Variants in IL1R1 observed in about 807,000 individuals in gnomAD.
IL1R1 encodes the protein interleukin-1 receptor type 1.
A neutral mutation model predicts 50.2 loss-of-function variants in IL1R1; 22 were observed. The ratio of observed to expected loss-of-function variants is 0.44; its 90% confidence interval spans 0.31 to 0.63. IL1R1 has a LOEUF of 0.63. Among genes scored for constraint, IL1R1 ranks in the 20% least tolerant of loss-of-function variants. The probability of loss-of-function intolerance (pLI) is 0.07; values close to 1 mark genes in which losing one functional copy is unlikely to be tolerated. For synonymous variants in IL1R1, 251 were observed against 236.7 expected (o/e 1.06, Z -0.55); for missense variants, 509 against 676.2 (o/e 0.75, Z 2.74).
At chr2:102,171,640 A>G (rs1685682216) in intron 7 of IL1R1, among the ~76,000 whole-genome samples, 161 bp from the exon 8 acceptor site, 3 of 152,194 alleles carry the variant, frequency 2.0e-5, no homozygotes, top group Admixed American at 2.0e-4. Context: ...GAGACGCATA[A>G]GGTTACTAAT....
chr2:102,132,918 C>T (rs1682116373), intron 1 of IL1R1, among the ~76,000 whole-genome samples: 1 of 152,120 alleles, frequency 6.6e-6, no homozygotes, highest in African/African-American at 2.4e-5. Flanking sequence ...ACTTGACTAG[C>T]CCTCTATCTA....
At chr2:102,150,079 G>T (rs998866895) in intron 1 of IL1R1, among the ~76,000 whole-genome samples, 1 of 152,134 alleles carries the variant, frequency 6.6e-6, no homozygotes, top group African/African-American at 2.4e-5. Flanking sequence ...ACAATGTGGG[G>T]GAATTCCTCA....
intron 3 of IL1R1, among the ~76,000 whole-genome samples, chr2:102,161,138 G>C (rs986094587): frequency 1.3e-5 from 2 of 152,070 alleles, no homozygotes; most frequent in African/African-American, 4.8e-5. Flanking sequence ...GATATGTTAT[G>C]TTTTCCTTAT....
At chr2:102,166,776 A>G (rs1420015818) in intron 6 of IL1R1, among the ~76,000 whole-genome samples, 1 of 152,158 alleles carries the variant, frequency 6.6e-6, no homozygotes, top group Non-Finnish European at 1.5e-5. Flanking sequence ...TAACAAGATG[A>G]TGCAATCTCC....
chr2:102,127,082 C>G (rs1681752789), intron 1 of IL1R1, among the ~76,000 whole-genome samples: 1 of 152,192 alleles, frequency 6.6e-6, no homozygotes, highest in Non-Finnish European at 1.5e-5. Context: ...CAGATTTCAG[C>G]CTCTCCCTTC....
At chr2:102,073,292 A>G (rs1048298317) in intron 1 of IL1R1, among the ~76,000 whole-genome samples, 1 of 152,202 alleles carries the variant, frequency 6.6e-6, no homozygotes, top group African/African-American at 2.4e-5. Flanking sequence ...TGTAGCCTAA[A>G]TTCTACTGGG....
At position 102,165,256 on chromosome 2, in the gene IL1R1, G is replaced by A. The variant is rs1271185418; in HGVS notation, c.438G>A (p.Glu146=). ...GAGGACTTGTGTGCCCTTATATGGA[G>A]TTTTTTAAAAATGAAAATAATGAGT... ...GDGGLVCPYM[E]FFKNENNELP... is the part of the protein sequence containing the mutation. The change falls in exon 5 of 12, where the codon GAG becomes GAA. Residue 146 remains glutamate (E), a synonymous_variant. Coordinates refer to ENST00000410023, the MANE Select transcript of IL1R1 (RefSeq NM_000877.4). The A allele has an allele frequency of 6.3e-7, 1 of 1,587,472 alleles. No individual in the cohort carries two copies. The highest frequency in any genetic ancestry group is 1.4e-5 in the African/African-American group (1 of 73,366).
intron 1 of IL1R1, among the ~76,000 whole-genome samples, chr2:102,085,885 T>G (rs1559453826): frequency 6.6e-6 from 1 of 151,818 alleles, no homozygotes; most frequent in African/African-American, 2.4e-5. Context: ...TAACTTCTCT[T>G]GGCAATTTTT....
intron 1 of IL1R1, among the ~76,000 whole-genome samples, chr2:102,108,644 A>G (rs1332578887): frequency 1.3e-5 from 2 of 152,196 alleles, no homozygotes; most frequent in African/African-American, 4.8e-5. Context: ...AGATTAAAAA[A>G]AAACCTAAAT....
At chr2:102,083,769 C>T (rs1019247215) in intron 1 of IL1R1, among the ~76,000 whole-genome samples, 9 of 152,098 alleles carry the variant, frequency 5.9e-5, no homozygotes, top group African/African-American at 2.2e-4. Flanking sequence ...TATGGTGAAA[C>T]CCCATCTCTA....
At chr2:102,098,605 T>G (rs1289809387) in intron 1 of IL1R1, among the ~76,000 whole-genome samples, 1 of 152,140 alleles carries the variant, frequency 6.6e-6, no homozygotes, top group Non-Finnish European at 1.5e-5. Context: ...CATAGTACAC[T>G]GCAGTGAAAG....
At chr2:102,110,138 G>C (rs533708012) in intron 1 of IL1R1, among the ~76,000 whole-genome samples, 1 of 152,204 alleles carries the variant, frequency 6.6e-6, no homozygotes, top group East Asian at 1.9e-4. Context: ...CAATAGGCGA[G>C]TCTTGTTAAT....
chr2:102,139,745 C>T (rs1682538874), upstream of IL1R1, among the ~76,000 whole-genome samples: 1 of 152,228 alleles, frequency 6.6e-6, no homozygotes, highest in Non-Finnish European at 1.5e-5. Context: ...GACGTACCTG[C>T]ACCTCCTTCA....
At chr2:102,151,676 C>A (rs1683665149) in intron 1 of IL1R1, among the ~76,000 whole-genome samples, 1 of 152,230 alleles carries the variant, frequency 6.6e-6, no homozygotes, top group African/African-American at 2.4e-5. Flanking sequence ...GTGCATTGCA[C>A]CAGGGAGAGC....
At chr2:102,077,309 G>A (rs1679012297) in intron 1 of IL1R1, among the ~76,000 whole-genome samples, 1 of 152,150 alleles carries the variant, frequency 6.6e-6, no homozygotes, top group South Asian at 2.1e-4. Context: ...GACCTCAGGT[G>A]ATCCACCCAC....
At chr2:102,121,101 G>A (rs188459638) in intron 1 of IL1R1, among the ~76,000 whole-genome samples, 1,557 of 152,210 alleles carry the variant, frequency 0.01, 26 homozygotes, top group African/African-American at 0.035. Context: ...CCGGGAGATG[G>A]CTCATCCTGC....
intron 1 of IL1R1, among the ~76,000 whole-genome samples, 170 bp from the exon 2 acceptor site, chr2:102,153,771 C>T (rs907991159): frequency 1.4e-4 from 22 of 152,172 alleles, no homozygotes; most frequent in African/African-American, 3.9e-4. Flanking sequence ...CCCAGCCATG[C>T]GGAGCTGTAA....
At chr2:102,139,349 C>T (rs963772664), upstream of IL1R1, among the ~76,000 whole-genome samples, 1 of 152,246 alleles carries the variant, frequency 6.6e-6, no homozygotes, top group African/African-American at 2.4e-5. Context: ...GGCATATCTG[C>T]TGCCAGGCCT....
chr2:102,114,384 G>A (rs1189477334), intron 1 of IL1R1, among the ~76,000 whole-genome samples: 2 of 152,194 alleles, frequency 1.3e-5, no homozygotes, highest in African/African-American at 2.4e-5. Context: ...AACCACATGC[G>A]AAGGTTCACA....
Sources: allele counts gnomAD v4.1 joint callset (sites outside exome capture counted in the v4.1 genomes callset), GRCh38; gene constraint gnomAD v4.1.1; transcripts MANE v1.5; gene names NCBI Gene and HGNC (gene_info 2026-07-23, HGNC 2026-07-21).